The following GAS7 variants were observed in gnomAD, a reference collection of about 807,000 sequenced individuals.
GAS7 encodes growth arrest specific 7, also known as growth arrest-specific protein 7.
Under a neutral mutation model 71.1 loss-of-function variants are expected in GAS7, and 28 were observed. The observed-to-expected ratio is 0.39, with a 90% CI of 0.29 to 0.54. GAS7 has a LOEUF of 0.54. GAS7 is among the 20% of genes least tolerant of loss of function. The pLI, the probability that GAS7 is intolerant of heterozygous loss-of-function variation, is 0.62. For missense variants in GAS7, 436 were observed against 627.8 expected, an observed-to-expected ratio of 0.69 and a Z score of 3.27; for synonymous variants, 258 against 245.8, an observed-to-expected ratio of 1.05 and a Z score of -0.46.
rs766190609 is a variant in GAS7, at chr17:9,913,971, T to C, written c.*3257A>G. 41 of 232,094 alleles carry C rather than the reference T, an allele frequency of 1.8e-4. No individual in the cohort carries two copies. Among genetic ancestry groups the C allele is most frequent in the South Asian group, 9.1e-4 (5 of 5,520 alleles). The allele number at this position is 232,094 out of a possible 1,614,324, so 14.4% of individuals were successfully genotyped here. ...CAAGAATAGCCCAGACCCGCCCACT[T>C]TGAATAAACCCAGCTAAGTCCTCAC... is the stretch of plus-strand genomic sequence containing the variant. On this transcript the variant is annotated 3_prime_UTR_variant, in exon 14 of 14. Transcript: ENST00000432992.
intron 1 of GAS7, among the ~76,000 whole-genome samples, chr17:10,154,154 T>C (rs954439718): frequency 6.6e-6 from 1 of 152,110 alleles, no homozygotes; most frequent in Non-Finnish European, 1.5e-5. Context: ...TAAATGCTGG[T>C]TAACTGTAGT....
chr17:10,142,618 C>A (rs12452526), intron 1 of GAS7, among the ~76,000 whole-genome samples: 1 of 152,040 alleles, frequency 6.6e-6, no homozygotes, highest in Non-Finnish European at 1.5e-5. Flanking sequence ...TCCCCAAGTC[C>A]TGGGATTACA....
At chr17:10,126,067 G>A (rs990514425) in intron 1 of GAS7, among the ~76,000 whole-genome samples, 1 of 152,120 alleles carries the variant, frequency 6.6e-6, no homozygotes, top group South Asian at 2.1e-4. Context: ...TGACCTGCCA[G>A]GGACCCACAG....
At chr17:9,953,677 T>C (rs1469768118) in intron 5 of GAS7, among the ~76,000 whole-genome samples, 1 of 152,264 alleles carries the variant, frequency 6.6e-6, no homozygotes, top group African/African-American at 2.4e-5. Flanking sequence ...TTCGAACATC[T>C]GTTGAAAGGC....
chr17:10,188,454 G>T (rs2074473356), intron 1 of GAS7, among the ~76,000 whole-genome samples: 1 of 152,140 alleles, frequency 6.6e-6, no homozygotes, highest in South Asian at 2.1e-4. Flanking sequence ...GAAATTTCTA[G>T]AAGTGGAATT....
At chr17:10,043,890 T>C (rs1052484525) in intron 1 of GAS7, among the ~76,000 whole-genome samples, 1 of 152,102 alleles carries the variant, frequency 6.6e-6, no homozygotes, top group Non-Finnish European at 1.5e-5. Flanking sequence ...CCAAGATTGC[T>C]CCACTGCACT....
intron 1 of GAS7, among the ~76,000 whole-genome samples, chr17:10,180,415 A>C (rs997549597): frequency 2.0e-5 from 3 of 152,050 alleles, no homozygotes; most frequent in Non-Finnish European, 4.4e-5. Context: ...CCAGCATGCA[A>C]ACCCAGGTCT....
chr17:10,182,597 T>A (rs1193549569), intron 1 of GAS7, among the ~76,000 whole-genome samples: 6 of 152,156 alleles, frequency 3.9e-5, no homozygotes, highest in Non-Finnish European at 7.3e-5. Context: ...CAGATGGACA[T>A]CACTAGGGGG....
Position 10,002,021 on chromosome 17 carries a change from C to A in GAS7, c.304+17756G>T, listed in dbSNP as rs141454351. On this transcript the variant is annotated intron_variant, in intron 2 of 13. Coordinates refer to ENST00000432992, the MANE Select transcript of GAS7 (RefSeq NM_201433.2). ...TTGCAACCTGTTTACAGCATCCTAG[C>A]GGACACGATACCACTGCTTAGCTAT... 7.4e-3 allele frequency among the ~76,000 whole-genome samples: 1,134 copies of A among 152,268 alleles called. 20 individuals carry two copies. Among genetic ancestry groups the A allele is most frequent in the African/African-American group, 0.026 (1,089 of 41,532 alleles).
At chr17:9,960,628 G>A (rs946774285) in intron 4 of GAS7, among the ~76,000 whole-genome samples, 2 of 152,216 alleles carry the variant, frequency 1.3e-5, no homozygotes, top group African/African-American at 2.4e-5. Context: ...AGGCCAGCAC[G>A]ACCCTGGACA....
At chr17:10,008,350 A>C (rs1271168859) in intron 2 of GAS7, among the ~76,000 whole-genome samples, 2 of 152,216 alleles carry the variant, frequency 1.3e-5, no homozygotes, top group Non-Finnish European at 2.9e-5. Context: ...ACATGCTGCT[A>C]ATCACTGACT....
In GAS7 at chr17:9,921,907, A is replaced by C. The variant is rs373355554; in HGVS notation, c.1139-2202T>G. ...CAGGGAGGCGGAGCTTGCAGTGAGC[A>C]GAGATCGCACCACTGCACTCCAGCC... is the stretch of plus-strand genomic sequence containing the variant. On this transcript the variant is annotated intron_variant, in intron 11 of 13. Transcript: ENST00000432992. Among the ~76,000 whole-genome samples the C allele has an allele frequency of 1.4e-3, 209 of 150,314 alleles. 3 individuals are homozygous for C. The highest frequency in any genetic ancestry group is 5.0e-3 in the African/African-American group (202 of 40,752).
At chr17:9,938,770 A>T (rs1398355190) in intron 8 of GAS7, among the ~76,000 whole-genome samples, 1 of 152,158 alleles carries the variant, frequency 6.6e-6, no homozygotes, top group Non-Finnish European at 1.5e-5. Flanking sequence ...AAGCAGTCAC[A>T]ACCCATTCCC....
At chr17:10,086,883 A>G (rs1276940963) in intron 1 of GAS7, among the ~76,000 whole-genome samples, 1 of 152,174 alleles carries the variant, frequency 6.6e-6, no homozygotes, top group African/African-American at 2.4e-5. Flanking sequence ...AGGGCAGAAG[A>G]GCCGTGTCAT....
chr17:9,921,384 T>C (rs1195084609), intron 11 of GAS7, among the ~76,000 whole-genome samples: 1 of 152,060 alleles, frequency 6.6e-6, no homozygotes, highest in Non-Finnish European at 1.5e-5. Flanking sequence ...CTCGAACTCC[T>C]GACCTTGTGA....
intron 2 of GAS7, among the ~76,000 whole-genome samples, chr17:9,992,837 G>A (rs950410265): frequency 2.7e-5 from 4 of 147,370 alleles, no homozygotes; most frequent in Non-Finnish European, 4.4e-5. Flanking sequence ...TCCCACCTAT[G>A]AGTGAGAATA....
At position 9,911,704 on chromosome 17, in the gene GAS7, G is replaced by C. The variant is rs537671082; in HGVS notation, c.*5524C>G. The C allele has an allele frequency of 4.3e-6, 1 of 232,714 alleles. No individual in the cohort carries two copies. The highest frequency in any genetic ancestry group is 1.3e-3 in the Middle Eastern group (1 of 780). 14.4% of individuals were successfully genotyped at this position (232,714 alleles called of 1,614,324 possible). On this transcript the variant is annotated 3_prime_UTR_variant, in exon 14 of 14. Coordinates refer to ENST00000432992, the MANE Select transcript of GAS7 (RefSeq NM_201433.2). The surrounding 1 kb of genome is among the most constrained non-coding windows in gnomAD (Gnocchi z 4.0). ...CCCCGGCAAATTTCAACCCAGCAGA[G>C]TCCTGGCAGCCTCTTCGGCTCCCTA... is the stretch of plus-strand genomic sequence containing the variant.
At chr17:10,139,859 C>T (rs1012439728) in intron 1 of GAS7, among the ~76,000 whole-genome samples, 1 of 152,220 alleles carries the variant, frequency 6.6e-6, no homozygotes, top group Non-Finnish European at 1.5e-5. Context: ...CACAACTGCT[C>T]CACCCTCTCC....
At chr17:10,151,735 G>C (rs76196856) in intron 1 of GAS7, among the ~76,000 whole-genome samples, 7,299 of 152,130 alleles carry the variant, frequency 0.048, 300 homozygotes, top group Admixed American at 0.13. Context: ...TACAGAGAAA[G>C]GGTTTCCCTA....
Sources: allele counts gnomAD v4.1 joint callset (sites outside exome capture counted in the v4.1 genomes callset), GRCh38; gene constraint gnomAD v4.1.1; non-coding constraint Gnocchi (gnomAD v3.1); transcripts MANE v1.5; gene names NCBI Gene and HGNC (gene_info 2026-07-23, HGNC 2026-07-21).